The following RPAP1 variants were observed in gnomAD, a reference collection of about 807,000 sequenced individuals.
RPAP1 encodes the protein RNA polymerase II-associated protein 1.
A neutral mutation model predicts 142.4 loss-of-function variants in RPAP1; 109 were observed. The observed-to-expected ratio is 0.77, with a 90% CI of 0.66 to 0.90. The LOEUF (loss-of-function observed/expected upper bound fraction) is 0.90. RPAP1 is among the 40% of genes least tolerant of loss of function. The pLI is 0.00. For synonymous variants in RPAP1, 704 were observed against 738.9 expected, an observed-to-expected ratio of 0.95 and a Z score of 0.77; for missense variants, 1,546 against 1,751.7, an observed-to-expected ratio of 0.88 and a Z score of 2.10.
At position 41,517,435 on chromosome 15, in the gene RPAP1, T is replaced by G; in HGVS notation, c.*107A>C. 2 of 1,095,790 alleles carry G rather than the reference T, an allele frequency of 1.8e-6. No homozygotes were observed. The highest frequency in any genetic ancestry group is 2.6e-6 in the Non-Finnish European group (2 of 769,560). The allele number at this position is 1,095,790 out of a possible 1,614,324, so 67.9% of individuals were successfully genotyped here. ...CCAGGAAGGCAAGCCTTCTGCTCCT[T>G]GGTCTCCTGCCTACCATTAGGACAC... is the stretch of plus-strand genomic sequence containing the variant. On this transcript the variant is annotated 3_prime_UTR_variant, in exon 25 of 25. Coordinates refer to ENST00000304330, the MANE Select transcript of RPAP1 (RefSeq NM_015540.4).
chr15:41,542,686 T>C (rs1318482600), intron 1 of RPAP1, among the ~76,000 whole-genome samples: 1 of 152,226 alleles, frequency 6.6e-6, no homozygotes, highest in Non-Finnish European at 1.5e-5. Flanking sequence ...TTTACTGAAG[T>C]TACTGTGCTT....
chr15:41,527,663 G>C, intron 11 of RPAP1, 58 bp from the exon 12 acceptor site: 1 of 1,532,236 alleles, frequency 6.5e-7, no homozygotes, highest in Non-Finnish European at 8.8e-7. Flanking sequence ...ATGGATCCAG[G>C]AGTAGAGAGG....
intron 6 of RPAP1, among the ~76,000 whole-genome samples, chr15:41,532,018 G>A (rs1335296013): frequency 3.4e-5 from 5 of 147,876 alleles, no homozygotes; most frequent in African/African-American, 1.2e-4. Context: ...ACCATATCTG[G>A]CTAATTTTTT....
intron 7 of RPAP1, among the ~76,000 whole-genome samples, chr15:41,530,418 C>T (rs933736251): frequency 1.3e-5 from 2 of 152,168 alleles, no homozygotes; most frequent in African/African-American, 2.4e-5. Flanking sequence ...AAACAAATCC[C>T]ACAGCATTTT....
At position 41,536,007 on chromosome 15, in the gene RPAP1, A is replaced by G. The variant is rs141091700; in HGVS notation, c.420+122T>C. 2.6e-3 allele frequency: 1,826 copies of G among 708,994 alleles called. 13 individuals carry two copies. The highest frequency in any genetic ancestry group is 0.017 in the South Asian group (940 of 55,734). The allele number at this position is 708,994 out of a possible 1,614,324, so 43.9% of individuals were successfully genotyped here. On this transcript the variant is annotated intron_variant, in intron 4 of 24. Coordinates refer to ENST00000304330, the MANE Select transcript of RPAP1 (RefSeq NM_015540.4). The stretch of plus-strand genomic sequence containing the variant: ...AAGAAGTAATGGGTATGAAGTGCTT[A>G]GTATGATCCTGCTTTGTAAATTAAA...
Position 41,524,168 on chromosome 15 carries a change from C to T in RPAP1, c.2162G>A (p.Arg721Gln), listed in dbSNP as rs374561656. Residue 721 changes from arginine to glutamine, a missense_variant, in exon 16 of 25, where the codon CGG becomes CAG. Coordinates refer to ENST00000304330, the MANE Select transcript of RPAP1 (RefSeq NM_015540.4). ...GAGGAGAGTGAGCAGTGAGGCTATCCGCTGCATGGACAGGGGTTGAGGTGG... is the reference window on the plus strand; with the variant it reads ...GAGGAGAGTGAGCAGTGAGGCTATCTGCTGCATGGACAGGGGTTGAGGTGG... ...THPPQPLSMQRIASLLTLLTQ... is the reference protein window; with the variant it reads ...THPPQPLSMQQIASLLTLLTQ... 1.1e-5 allele frequency: 18 copies of T among 1,597,636 alleles called. No individual in the cohort carries two copies. Among genetic ancestry groups the T allele is most frequent in the East Asian group, 2.2e-5 (1 of 44,708 alleles).
Position 41,527,905 on chromosome 15 carries a change from G to T in RPAP1, c.1383C>A (p.Thr461=), listed in dbSNP as rs149467848. The change falls in exon 11 of 25, where the codon ACC becomes ACA. Residue 461 remains threonine (T), a synonymous_variant. Transcript: ENST00000304330. ...GCAGAGCCCGAAGAGCACGGATGGC[G>T]GTTGCAATGACCCCATCCACTCTGT... is the stretch of plus-strand genomic sequence containing the variant. The part of the protein sequence containing the change: ...LDDRVDGVIA[T]AIRALRALLV... 6.2e-7 allele frequency: 1 copy of T among 1,614,064 alleles called. No individual in the cohort carries two copies. Among genetic ancestry groups the T allele is most frequent in the Admixed American group, 1.7e-5 (1 of 59,996 alleles).
intron 21 of RPAP1, 50 bp from the exon 22 acceptor site, chr15:41,521,197 G>A (rs2051723258): frequency 1.3e-6 from 2 of 1,498,740 alleles, no homozygotes; most frequent in Non-Finnish European, 1.8e-6. Flanking sequence ...CACAGCACTT[G>A]GAGGCTGTGC....
chr15:41,537,958 C>G (rs1308850069), intron 1 of RPAP1, among the ~76,000 whole-genome samples: 1 of 151,248 alleles, frequency 6.6e-6, no homozygotes, highest in Admixed American at 6.6e-5. Context: ...AAAACAATTG[C>G]ATTGGCCGGA....
Position 41,535,760 on chromosome 15 carries a change from C to T in RPAP1, c.421-128G>A, listed in dbSNP as rs529600282. 3.7e-5 allele frequency: 49 copies of T among 1,334,504 alleles called. No individual in the cohort carries two copies. In the African/African-American group the frequency reaches 6.2e-4, roughly 17 times the overall value. The allele number at this position is 1,334,504 out of a possible 1,614,324, so 82.7% of individuals were successfully genotyped here. On this transcript the variant is annotated intron_variant, in intron 4 of 24. Transcript: ENST00000304330. ...TTGCTCAATTTCCAGGGATCACAAC[C>T]CTAGTTCTCAGAAAAAGGAGAGGTC...
rs1415846415 is a variant in RPAP1 at position 41,531,118 on chromosome 15, C to G, written c.848G>C (p.Gly283Ala). 1 of 1,613,834 alleles carries G rather than the reference C, an allele frequency of 6.2e-7. No homozygotes were observed. The highest frequency in any genetic ancestry group is 2.2e-5 in the East Asian group (1 of 44,876). The part of the protein sequence containing the change: ...GETASEEQRP[G>A]GPSANVTKEE... ...CTTGGTGACATTAGCAGAGGGTCCT[C>G]CTGGCCTCTGCTCCTCAGAGGCTGT... The change falls in exon 7 of 25, where the codon GGA (glycine) becomes GCA (alanine). Residue 283 changes from glycine (G) to alanine (A), a missense_variant. By Grantham distance (60) the Gly-to-Ala change is moderately conservative (BLOSUM62 0). Coordinates refer to ENST00000304330, the MANE Select transcript of RPAP1 (RefSeq NM_015540.4).
Position 41,524,136 on chromosome 15 carries a change from G to A in RPAP1, c.2194C>T (p.Leu732=). ...IASLLTLLTQ[L]TLAAGSTPAE... is the part of the protein sequence containing the mutation. The stretch of plus-strand genomic sequence containing the variant: ...GGGGTACTGCCGGCTGCCAGGGTTA[G>A]CTGGGTGAGGAGAGTGAGCAGTGAG... Residue 732 remains leucine (L), a synonymous_variant, in exon 16 of 25, where the codon CTA becomes TTA. Transcript: ENST00000304330. 1 of 1,596,496 alleles carries A rather than the reference G, an allele frequency of 6.3e-7. No individual in the cohort carries two copies. The highest frequency in any genetic ancestry group is 8.5e-7 in the Non-Finnish European group (1 of 1,169,704).
chr15:41,534,083 T>C (rs1437707907), intron 6 of RPAP1, among the ~76,000 whole-genome samples: 2 of 149,716 alleles, frequency 1.3e-5, no homozygotes, highest in Non-Finnish European at 3.0e-5. Context: ...CGTCGCGCCA[T>C]TGCACTCTAA....
rs1476557124 is a variant in RPAP1 at position 41,524,183 on chromosome 15, G to C, written c.2147C>G (p.Pro716Arg). ...PRELSTHPPQ[P>R]LSMQRIASLL... is the part of the protein sequence containing the mutation. ...TGAGGCTATCCGCTGCATGGACAGG[G>C]GTTGAGGTGGGTGGGTGCTGAGCTC... The change falls in exon 16 of 25, where the codon CCC becomes CGC. Residue 716 changes from proline to arginine, a missense_variant. Physicochemically the swap from Pro to Arg is moderately radical, Grantham distance 103. This residue lies in a region of RPAP1 where 1,333 missense variants were observed against 1,486.6 expected (regional missense o/e 0.90). Transcript: ENST00000304330. 1.9e-6 allele frequency: 3 copies of C among 1,592,662 alleles called. No homozygotes were observed. The highest frequency in any genetic ancestry group is 2.6e-6 in the Non-Finnish European group (3 of 1,167,998).
rs2051761151 is a variant in RPAP1 at position 41,523,975 on chromosome 15, A to G, written c.2235-3T>C. On this transcript the variant is annotated splice_polypyrimidine_tract_variant and splice_region_variant and intron_variant, in intron 16 of 24. Coordinates refer to ENST00000304330, the MANE Select transcript of RPAP1 (RefSeq NM_015540.4). ...AGAGGCTGGCCTCAGCAGAATCACT[A>G]CAAAAGTGCCAAAGGGTGCCACAGT... 1 of 1,613,634 alleles carries G rather than the reference A, an allele frequency of 6.2e-7. No homozygotes were observed.
At chr15:41,524,277 T>G in intron 15 of RPAP1, 23 bp from the exon 16 acceptor site, 1 of 1,507,440 alleles carries the variant, frequency 6.6e-7, no homozygotes, top group Non-Finnish European at 8.9e-7. Flanking sequence ...AGGGACTGAT[T>G]TTCACTGTAT....
intron 1 of RPAP1, chr15:41,543,774 GAA>G (rs767252383): frequency 3.3e-5 from 5 of 152,178 alleles, no homozygotes; most frequent in Non-Finnish European, 5.9e-5. Context: ...AATAGAATAA[GAA>G]TGGGTTGGCC....
rs1258837272 is a variant in RPAP1 at position 41,521,010 on chromosome 15, T to C, written c.3176A>G (p.Tyr1059Cys). ...CQDLPSIRNC[Y>C]LTHCSPARAS... ...TCGGGCTGGCGAGCAATGAGTCAGG[T>C]AGCAGTTGCGGATGCTGGGGAGGTC... Residue 1059 changes from tyrosine to cysteine, a missense_variant, in exon 22 of 25, where the codon TAC (tyrosine) becomes TGC (cysteine). Tyr to Cys is a radical substitution (Grantham distance 194). This residue lies in a region of RPAP1 where 1,333 missense variants were observed against 1,486.6 expected (regional missense o/e 0.90). Coordinates refer to ENST00000304330, the MANE Select transcript of RPAP1 (RefSeq NM_015540.4). 2 of 1,605,102 alleles carry C rather than the reference T, an allele frequency of 1.2e-6. No homozygotes were observed. The highest frequency in any genetic ancestry group is 1.3e-5 in the African/African-American group (1 of 74,882).
At position 41,524,150 on chromosome 15, in the gene RPAP1, G is replaced by T; in HGVS notation, c.2180C>A (p.Thr727Asn). ...LSMQRIASLL[T>N]LLTQLTLAAG... ...TGCCAGGGTTAGCTGGGTGAGGAGAGTGAGCAGTGAGGCTATCCGCTGCAT... is the reference window on the plus strand; with the variant it reads ...TGCCAGGGTTAGCTGGGTGAGGAGATTGAGCAGTGAGGCTATCCGCTGCAT... Residue 727 changes from threonine (T) to asparagine (N), a missense_variant, in exon 16 of 25, where the codon ACT becomes AAT. This residue lies in a region of RPAP1 where 1,333 missense variants were observed against 1,486.6 expected (regional missense o/e 0.90). Transcript: ENST00000304330. 1.3e-6 allele frequency: 2 copies of T among 1,599,292 alleles called. No homozygotes were observed. The highest frequency in any genetic ancestry group is 1.7e-6 in the Non-Finnish European group (2 of 1,171,680).
Sources: gnomAD v4.1 joint callset for allele counts (sites outside exome capture counted in the v4.1 genomes callset) on GRCh38, gnomAD v4.1.1 for gene constraint, gnomAD v4.1.1 regional missense constraint, MANE v1.5 for transcripts, NCBI Gene and HGNC (gene_info 2026-07-23, HGNC 2026-07-21) for gene names.